The following SDK2 variants were observed in gnomAD, a reference collection of about 807,000 sequenced individuals.
The protein encoded by SDK2 is protein sidekick-2.
A neutral mutation model predicts 253.9 loss-of-function variants in SDK2; 105 were observed. That is an observed-to-expected ratio of 0.41 (90% CI 0.35 to 0.49). The LOEUF (loss-of-function observed/expected upper bound fraction) is 0.49. SDK2 is among the 20% of genes least tolerant of loss of function. The pLI is 0.06. For synonymous variants in SDK2, 1,249 were observed against 1,234.9 expected (o/e 1.01, Z -0.24); for missense variants, 2,608 against 3,003.0 (o/e 0.87, Z 3.07).
At chr17:73,355,175 T>TA (rs1555750470) in intron 40 of SDK2, among the ~76,000 whole-genome samples, 416 of 15,544 alleles carry the variant, frequency 0.027, 12 homozygotes, top group African/African-American at 0.057. Context: ...TATATATATA[T>TA]TTTTTTTTTT....
chr17:73,339,011 G>T, intron 44 of SDK2, 71 bp from the exon 45 acceptor site: 1 of 1,344,586 alleles, frequency 7.4e-7, no homozygotes, highest in Non-Finnish European at 1.1e-6. Flanking sequence ...GGGCCGGAAG[G>T]CACAGGGCAT....
chr17:73,438,914 T>C (rs2041677150), intron 6 of SDK2, among the ~76,000 whole-genome samples: 1 of 152,282 alleles, frequency 6.6e-6, no homozygotes, highest in Middle Eastern at 3.4e-3. Context: ...TGAGTGACAG[T>C]AGCTTGAGGT....
chr17:73,377,682 G>A (rs1294591392), intron 36 of SDK2, among the ~76,000 whole-genome samples: 2 of 146,904 alleles, frequency 1.4e-5, no homozygotes, highest in Admixed American at 6.9e-5. Context: ...GTGCAATCTC[G>A]GCTCACTGCA....
intron 44 of SDK2, among the ~76,000 whole-genome samples, chr17:73,345,431 T>C (rs1216218589): frequency 6.6e-6 from 1 of 152,244 alleles, no homozygotes; most frequent in Admixed American, 6.5e-5. Flanking sequence ...TTTATACACG[T>C]ATGGTCTTCC....
At chr17:73,426,653 T>C (rs1284436317) in intron 12 of SDK2, among the ~76,000 whole-genome samples, 1 of 152,196 alleles carries the variant, frequency 6.6e-6, no homozygotes, top group East Asian at 1.9e-4. Flanking sequence ...TTAAGTCTTT[T>C]AATACCTATT....
At chr17:73,495,646 T>TGTGTGTGTGTGTG in intron 2 of SDK2, among the ~76,000 whole-genome samples, 1 of 119,882 alleles carries the variant, frequency 8.3e-6, no homozygotes, top group African/African-American at 3.3e-5. Context: ...GTGTGTGTGT[T>TGTGTGTGTGTGTG]TGTTTGTGTA....
At chr17:73,402,358 A>G (rs930180909) in intron 18 of SDK2, among the ~76,000 whole-genome samples, 1 of 152,232 alleles carries the variant, frequency 6.6e-6, no homozygotes, top group African/African-American at 2.4e-5. Flanking sequence ...GACTTTATGC[A>G]AAGCACCGTG....
At chr17:73,421,492 T>C (rs967504968) in intron 15 of SDK2, among the ~76,000 whole-genome samples, 6 of 152,202 alleles carry the variant, frequency 3.9e-5, no homozygotes, top group Admixed American at 3.3e-4. Flanking sequence ...CTGGAGAGGA[T>C]AGAATTCTCC....
At chr17:73,362,009 G>A (rs1395838376) in intron 38 of SDK2, among the ~76,000 whole-genome samples, 164 bp from the exon 39 acceptor site, 1 of 152,156 alleles carries the variant, frequency 6.6e-6, no homozygotes, top group Non-Finnish European at 1.5e-5. Context: ...CAACCACATT[G>A]CCCATGCTGT....
intron 1 of SDK2, among the ~76,000 whole-genome samples, chr17:73,623,779 C>T (rs995384836): frequency 3.3e-5 from 5 of 152,192 alleles, no homozygotes; most frequent in East Asian, 1.9e-4. Flanking sequence ...CTGCTCTGCC[C>T]GTTTCCCGGA....
rs1485429670 is a variant in SDK2, at chr17:73,433,823, G to A, written c.1221C>T (p.Gly407=). 6.3e-7 allele frequency: 1 copy of A among 1,585,568 alleles called. No homozygotes were observed. The highest frequency in any genetic ancestry group is 8.6e-7 in the Non-Finnish European group (1 of 1,166,494). ...VTSIAPNITR[G]PLDSTVIDGM... is the part of the protein sequence containing the mutation. ...CATCGATCACCGTGCTGTCCAGGGG[G>A]CCTCTGGTGATGTTAGGGGCGATGC... is the stretch of plus-strand genomic sequence containing the variant. Residue 407 remains glycine (G), a synonymous_variant, in exon 10 of 45, where the codon GGC becomes GGT. Coordinates refer to ENST00000392650, the MANE Select transcript of SDK2 (RefSeq NM_001144952.2).
At chr17:73,545,099 G>GCGCACACACACACACACACACACA (rs147498499) in intron 1 of SDK2, among the ~76,000 whole-genome samples, 4 of 145,816 alleles carry the variant, frequency 2.7e-5, no homozygotes, top group East Asian at 2.0e-4. Flanking sequence ...GCACGTGCAC[G>GCGCACACACACACACACACACACA]CACACACACA....
rs1045979492 is a variant in SDK2, at chr17:73,415,821, C to T, written c.2358G>A (p.Thr786=). ...GVYSSKVTEW[T]LQGVPTVPPG... ...ACAGTCTCTACCTACCTCCCTGCAG[C>T]GTCCACTCGGTGACTTTACTGCTGT... Residue 786 remains threonine (T), a synonymous_variant, in exon 17 of 45, where the codon ACG becomes ACA. Transcript: ENST00000392650. The T allele has an allele frequency of 3.9e-6, 6 of 1,552,504 alleles. No individual in the cohort carries two copies. The highest frequency in any genetic ancestry group is 4.9e-5 in the East Asian group (2 of 40,986).
chr17:73,426,779 T>G (rs1410258453), intron 12 of SDK2, among the ~76,000 whole-genome samples: 1 of 152,178 alleles, frequency 6.6e-6, no homozygotes, highest in Admixed American at 6.6e-5. Flanking sequence ...CAGAGAGTAA[T>G]TCCCATGTAA....
intron 40 of SDK2, among the ~76,000 whole-genome samples, chr17:73,355,174 A>ATATATATATATTTTTTTTTTTTTTT: frequency 4.2e-5 from 2 of 47,224 alleles, no homozygotes; most frequent in African/African-American, 1.6e-4. Flanking sequence ...ATATATATAT[A>ATATATATATATTTTTTTTTTTTTTT]TTTTTTTTTT....
In SDK2 at chr17:73,612,094, A is replaced by C. The variant is rs543730112; in HGVS notation, c.64+31931T>G. On this transcript the variant is annotated intron_variant, in intron 1 of 44. Transcript: ENST00000392650. This position sits in a 1 kb window ranked among gnomAD's most constrained non-coding sequence, Gnocchi z 4.4. ...ACATGTGGCCTAATGAGTTGATTTT[A>C]TTAGTTTGCAAACGCATTGAGAACT... Among the ~76,000 whole-genome samples the C allele has an allele frequency of 6.6e-6, 1 of 152,324 alleles. No homozygotes were observed. The highest frequency in any genetic ancestry group is 2.4e-5 in the African/African-American group (1 of 41,566).
chr17:73,419,325 A>G lies in SDK2; in HGVS notation c.2046-19T>C, dbSNP rs1380192725. ...GGAGACCCTGGATCACAAAACACCA[A>G]TGCTCTTAGTCTTGGGGTCAAACAC... On this transcript the variant is annotated intron_variant, in intron 15 of 44. Coordinates refer to ENST00000392650, the MANE Select transcript of SDK2 (RefSeq NM_001144952.2). The G allele has an allele frequency of 2.5e-6, 4 of 1,608,048 alleles. No individual in the cohort carries two copies. The highest frequency in any genetic ancestry group is 1.3e-5 in the African/African-American group (1 of 74,954).
intron 3 of SDK2, among the ~76,000 whole-genome samples, chr17:73,468,152 G>A (rs1387322443): frequency 1.3e-5 from 2 of 152,166 alleles, no homozygotes; most frequent in Non-Finnish European, 2.9e-5. Context: ...TGGCAGGATG[G>A]CACCGGGGAA....
chr17:73,348,653 G>T lies in SDK2; in HGVS notation c.6111C>A (p.Ile2037=). 1 of 1,613,040 alleles carries T rather than the reference G, an allele frequency of 6.2e-7. No homozygotes were observed. ...CCGTCAGGCTGCTGCTCTCTGCAGG[G>T]ATGAGGTCGTTGTATTTGGTGACAT... ...DEDVTKYNDL[I]PAESSSLTEK... The change falls in exon 44 of 45, where the codon ATC becomes ATA. Residue 2037 remains isoleucine (I), a synonymous_variant. Transcript: ENST00000392650.
Sources: allele counts gnomAD v4.1 joint callset (sites outside exome capture counted in the v4.1 genomes callset), GRCh38; gene constraint gnomAD v4.1.1; non-coding constraint Gnocchi (gnomAD v3.1); transcripts MANE v1.5; gene names NCBI Gene and HGNC (gene_info 2026-07-23, HGNC 2026-07-21).